Variants in COL6A2 observed in about 807,000 individuals in gnomAD.
The protein encoded by COL6A2 is collagen alpha-2(VI) chain.
A neutral mutation model predicts 124.9 loss-of-function variants in COL6A2; 90 were observed. The observed-to-expected ratio is 0.72, with a 90% CI of 0.61 to 0.86. COL6A2 has a LOEUF of 0.86. COL6A2 is among the 40% of genes least tolerant of loss of function. COL6A2 has a pLI of 0.00. For missense variants in COL6A2, 1,607 were observed against 1,502.5 expected (o/e 1.07, Z -1.15); for synonymous variants, 793 against 618.2 (o/e 1.28, Z -4.19).
At position 46,112,147 on chromosome 21, in the gene COL6A2, G is replaced by A. The variant is rs886042690; in HGVS notation, c.284G>A (p.Arg95His). ...CTGGACCAGGTGGCGCTGAGCTGGC[G>A]CTACGGCGGCCTGCACTTCTCTGAC... ...FYLDQVALSW[R>H]YGGLHFSDQV... is the part of the protein sequence containing the mutation. Residue 95 changes from arginine to histidine, a missense_variant, in exon 3 of 28, where the codon CGC (arginine) becomes CAC (histidine). Physicochemically the swap from Arg to His is conservative, Grantham distance 29. Around this residue, in one of 3 missense-constraint regions of COL6A2, gnomAD observed 342 missense variants for 381.5 expected, o/e 0.90. Transcript: ENST00000300527. The A allele has an allele frequency of 1.4e-5, 22 of 1,612,968 alleles. No homozygotes were observed. The highest frequency in any genetic ancestry group is 1.9e-5 in the Non-Finnish European group (22 of 1,180,040).
In COL6A2 at chr21:46,116,200, TC is replaced by T. The variant is rs1238943845; in HGVS notation, c.900+150del. The stretch of plus-strand genomic sequence containing the variant: ...AAGCACCTCGATAACTTGATGGCCG[TC>T]CCAAAACCCAGCCTCCAGCCCGACC... On this transcript the variant is annotated intron_variant, in intron 7 of 27. Transcript: ENST00000300527. The surrounding 1 kb of genome is among the most constrained non-coding windows in gnomAD (Gnocchi z 4.6). 3 of 1,152,790 alleles carry T rather than the reference TC, an allele frequency of 2.6e-6. No individual in the cohort carries two copies. The African/African-American group carries it at 4.6e-5, about 18-fold the overall frequency. 71.4% of individuals were successfully genotyped at this position (1,152,790 alleles called of 1,614,324 possible).
At chr21:46,129,110 G>C (rs2078720072) in intron 27 of COL6A2, 2 of 1,605,758 alleles carry the variant, frequency 1.2e-6, no homozygotes, top group Non-Finnish European at 8.5e-7. Context: ...TCTTCACTCT[G>C]GCCTCGCTGA....
Position 46,112,428 on chromosome 21 carries a change from G to C in COL6A2, c.565G>C (p.Ala189Pro), listed in dbSNP as rs765361834. 6.2e-7 allele frequency: 1 copy of C among 1,609,180 alleles called. No individual in the cohort carries two copies. Among genetic ancestry groups the C allele is most frequent in the Non-Finnish European group, 8.5e-7 (1 of 1,179,474 alleles). ...CCGCGAGGAGGGCATCCGGCTCTTC[G>C]CCGTGGCCCCCAACCAGAACCTGAA... ...RAREEGIRLF[A>P]VAPNQNLKEQ... Residue 189 changes from alanine (A) to proline (P), a missense_variant, in exon 3 of 28, where the codon GCC becomes CCC. By Grantham distance (27) the Ala-to-Pro change is conservative (BLOSUM62 -1). Around this residue, in one of 3 missense-constraint regions of COL6A2, gnomAD observed 342 missense variants for 381.5 expected, o/e 0.90. Coordinates refer to ENST00000300527, the MANE Select transcript of COL6A2 (RefSeq NM_001849.4).
chr21:46,126,653 G>A (rs528406016), intron 27 of COL6A2, 112 bp downstream of exon 27: 253 of 1,315,638 alleles, frequency 1.9e-4, no homozygotes, highest in Middle Eastern at 6.2e-4. Flanking sequence ...GGGGGGCGGC[G>A]GAGCCACTGC....
At chr21:46,121,681 CAG>C (rs991929349) in intron 18 of COL6A2, 63 bp downstream of exon 18, 63 of 1,546,518 alleles carry the variant, frequency 4.1e-5, no homozygotes, top group African/African-American at 1.1e-4. Flanking sequence ...AGGAGCAGGA[CAG>C]GGGGCCGGCC....
chr21:46,116,152 TC>T lies in COL6A2; in HGVS notation c.900+105del. 7.8e-6 allele frequency: 10 copies of T among 1,274,332 alleles called. No individual in the cohort carries two copies. The highest frequency in any genetic ancestry group is 3.8e-5 in the South Asian group (3 of 78,560). 78.9% of individuals were successfully genotyped at this position (1,274,332 alleles called of 1,614,324 possible). ...GCCTCGGCCTCAGCCTCTACGACCC[TC>T]CCCCCAGTTACCAAGGAACAGAAGC... is the stretch of plus-strand genomic sequence containing the variant. On this transcript the variant is annotated intron_variant, in intron 7 of 27. Coordinates refer to ENST00000300527, the MANE Select transcript of COL6A2 (RefSeq NM_001849.4). This position sits in a 1 kb window ranked among gnomAD's most constrained non-coding sequence, Gnocchi z 4.6.
chr21:46,125,340 G>A (rs2078644238), intron 24 of COL6A2, 29 bp downstream of exon 24: 1 of 1,607,138 alleles, frequency 6.2e-7, no homozygotes, highest in Non-Finnish European at 8.5e-7. Context: ...CAGGGTCGGG[G>A]CCCATGCACC....
intron 1 of COL6A2, among the ~76,000 whole-genome samples, chr21:46,110,629 G>A (rs533553884): frequency 2.0e-5 from 3 of 152,228 alleles, no homozygotes; most frequent in East Asian, 1.9e-4. Flanking sequence ...CCCTAGTCCC[G>A]GTGCTTGGAC....
At position 46,132,795 on chromosome 21, in the gene COL6A2, A is replaced by C. The variant is rs928408260; in HGVS notation, c.*243A>C. On this transcript the variant is annotated 3_prime_UTR_variant, in exon 28 of 28. Transcript: ENST00000300527. ...GCAGCCATCCCAAGGCTCCTGACCT[A>C]CCTGGCCCCTGAGCTCTGGAGCAAG... 6 of 580,910 alleles carry C rather than the reference A, an allele frequency of 1.0e-5. No homozygotes were observed. The East Asian group carries it at 1.4e-4, about 14-fold the overall frequency. The allele number at this position is 580,910 out of a possible 1,614,324, so 36.0% of individuals were successfully genotyped here.
At chr21:46,114,602 G>A (rs2123622469) in intron 5 of COL6A2, among the ~76,000 whole-genome samples, 1 of 152,292 alleles carries the variant, frequency 6.6e-6, no homozygotes, top group African/African-American at 2.4e-5. Flanking sequence ...ACTTTGGTAA[G>A]CAAGCATATT....
In COL6A2 at chr21:46,132,255, G is replaced by A; in HGVS notation, c.2763G>A (p.Val921=). 6 of 1,605,752 alleles carry A rather than the reference G, an allele frequency of 3.7e-6. No homozygotes were observed. The highest frequency in any genetic ancestry group is 5.1e-6 in the Non-Finnish European group (6 of 1,178,104). The change falls in exon 28 of 28, where the codon GTG becomes GTA. Residue 921 remains valine, a synonymous_variant. Transcript: ENST00000300527. The part of the protein sequence containing the change: ...LNSFSHVGAG[V]VHAINAIVRS... Reference sequence around the variant, plus strand: ...CCTTCTCGCACGTGGGCGCAGGCGTGGTGCACGCCATCAATGCCATCGTGC... The same window carrying A: ...CCTTCTCGCACGTGGGCGCAGGCGTAGTGCACGCCATCAATGCCATCGTGC...
intron 21 of COL6A2, among the ~76,000 whole-genome samples, 187 bp from the exon 22 acceptor site, chr21:46,124,464 A>C (rs1420811887): frequency 6.6e-6 from 1 of 151,974 alleles, no homozygotes; most frequent in Non-Finnish European, 1.5e-5. Context: ...GTGGCCACTC[A>C]TGGCCTTTCT....
chr21:46,114,608 A>C (rs1288739588), intron 5 of COL6A2, among the ~76,000 whole-genome samples: 1 of 152,236 alleles, frequency 6.6e-6, no homozygotes, highest in Non-Finnish European at 1.5e-5. Flanking sequence ...GTAAGCAAGC[A>C]TATTCAAGTA....
At chr21:46,122,412 A>C in intron 19 of COL6A2, 84 bp from the exon 20 acceptor site, 1 of 1,563,060 alleles carries the variant, frequency 6.4e-7, no homozygotes, top group Non-Finnish European at 8.8e-7. Flanking sequence ...AGGGAGGGAA[A>C]CGGGGCTGCA....
chr21:46,132,309 C>T lies in COL6A2; in HGVS notation c.2817C>T (p.His939=), dbSNP rs368164391. 4.0e-5 allele frequency: 65 copies of T among 1,606,660 alleles called. No individual in the cohort carries two copies. In the Middle Eastern group the frequency reaches 4.9e-4, roughly 12 times the overall value. Reference sequence around the variant, plus strand: ...GCCCGCGTGGCGGGGCCCGGAGGCACGCAGAGCTGTCCTTCGTGTTCCTCA... The same window carrying T: ...GCCCGCGTGGCGGGGCCCGGAGGCATGCAGAGCTGTCCTTCGTGTTCCTCA... ...VRSPRGGARR[H]AELSFVFLTD... Residue 939 remains histidine (H), a synonymous_variant, in exon 28 of 28, where the codon CAC becomes CAT. Coordinates refer to ENST00000300527, the MANE Select transcript of COL6A2 (RefSeq NM_001849.4).
rs548690364 is a variant in COL6A2 at position 46,119,772 on chromosome 21, C to T, written c.1270-16C>T. The T allele has an allele frequency of 6.6e-5, 103 of 1,556,476 alleles. 1 individual carries two copies. Among genetic ancestry groups the T allele is most frequent in the South Asian group, 3.9e-4 (33 of 84,564 alleles). On this transcript the variant is annotated splice_polypyrimidine_tract_variant and intron_variant, in intron 14 of 27. Coordinates refer to ENST00000300527, the MANE Select transcript of COL6A2 (RefSeq NM_001849.4). The stretch of plus-strand genomic sequence containing the variant: ...GACTCAGCCCCCTCCCTCACCCACA[C>T]GCCTGTTCTCTGCAGGGGCGCAGGG...
rs1466964962 is a variant in COL6A2, at chr21:46,112,223, G to C, written c.360G>C (p.Lys120Asn). The C allele has an allele frequency of 6.2e-7, 1 of 1,612,896 alleles. No individual in the cohort carries two copies. Among genetic ancestry groups the C allele is most frequent in the African/African-American group, 1.3e-5 (1 of 75,050 alleles). Reference sequence around the variant, plus strand: ...GCAGCGACCGGGCCTCCTTCATCAAGAACCTGCAGGGCATCAGCTCCTTCC... The same window carrying C: ...GCAGCGACCGGGCCTCCTTCATCAACAACCTGCAGGGCATCAGCTCCTTCC... ...PPGSDRASFI[K>N]NLQGISSFRR... Residue 120 changes from lysine (K) to asparagine (N), a missense_variant, in exon 3 of 28, where the codon AAG becomes AAC. This residue lies in a region of COL6A2 where 342 missense variants were observed against 381.5 expected (regional missense o/e 0.90). Transcript: ENST00000300527.
chr21:46,123,144 AC>A (rs1422061548), intron 21 of COL6A2, among the ~76,000 whole-genome samples: 1 of 54,802 alleles, frequency 1.8e-5, no homozygotes, highest in African/African-American at 6.8e-5. Context: ...CTCCCCAGTG[AC>A]CCCCCAACAT....
rs140419176 is a variant in COL6A2, at chr21:46,132,261, C to A, written c.2769C>A (p.His923Gln). The change falls in exon 28 of 28, where the codon CAC becomes CAA. Residue 923 changes from histidine (H) to glutamine (Q), a missense_variant. By Grantham distance (24) the His-to-Gln change is conservative. Coordinates refer to ENST00000300527, the MANE Select transcript of COL6A2 (RefSeq NM_001849.4). ...SFSHVGAGVV[H>Q]AINAIVRSPR... ...CGCACGTGGGCGCAGGCGTGGTGCACGCCATCAATGCCATCGTGCGCAGCC... is the reference window on the plus strand; with the variant it reads ...CGCACGTGGGCGCAGGCGTGGTGCAAGCCATCAATGCCATCGTGCGCAGCC... 4 of 1,606,210 alleles carry A rather than the reference C, an allele frequency of 2.5e-6. No individual in the cohort carries two copies. In the Admixed American group the frequency reaches 6.7e-5, roughly 27 times the overall value.
Sources: allele counts gnomAD v4.1 joint callset (sites outside exome capture counted in the v4.1 genomes callset), GRCh38; gene constraint gnomAD v4.1.1; regional missense constraint gnomAD v4.1.1; non-coding constraint Gnocchi (gnomAD v3.1); transcripts MANE v1.5; gene names NCBI Gene and HGNC (gene_info 2026-07-23, HGNC 2026-07-21).